The following NKAIN2 variants were observed in gnomAD, a reference collection of about 807,000 sequenced individuals.
NKAIN2 encodes the protein sodium/potassium transporting ATPase interacting 2, also known as sodium/potassium-transporting ATPase subunit beta-1-interacting protein 2.
NKAIN2 carries 14 observed loss-of-function variants against 32.6 expected under a neutral mutation model. The observed-to-expected ratio is 0.43, with a 90% CI of 0.28 to 0.67. NKAIN2 has a LOEUF of 0.67. NKAIN2 is among the 30% of genes least tolerant of loss of function. NKAIN2 has a pLI of 0.17. For synonymous variants in NKAIN2, 80 were observed against 87.2 expected (o/e 0.92, Z 0.46); for missense variants, 198 against 258.3 (o/e 0.77, Z 1.60).
chr6:124,655,237 C>G (rs765207605), intron 3 of NKAIN2, among the ~76,000 whole-genome samples: 11 of 151,986 alleles, frequency 7.2e-5, no homozygotes, highest in Admixed American at 3.3e-4. Context: ...TAGCTGTGTT[C>G]CCATTGTGTC....
chr6:124,364,562 CT>C (rs1238742683), intron 3 of NKAIN2, among the ~76,000 whole-genome samples: 1 of 151,878 alleles, frequency 6.6e-6, no homozygotes, highest in Admixed American at 6.6e-5. Flanking sequence ...GACAGTTGAC[CT>C]TTCAACAGGA....
intron 2 of NKAIN2, among the ~76,000 whole-genome samples, chr6:124,352,238 T>A (rs1179223554): frequency 3.9e-5 from 6 of 152,214 alleles, no homozygotes; most frequent in Admixed American, 3.9e-4. Context: ...TTCATAAAAT[T>A]ATTAATTTTG....
At chr6:124,266,647 A>T (rs1459460014) in intron 1 of NKAIN2, among the ~76,000 whole-genome samples, 1 of 152,206 alleles carries the variant, frequency 6.6e-6, no homozygotes, top group East Asian at 1.9e-4. Flanking sequence ...AACGTAGCTG[A>T]TTTGAAACAG....
At chr6:124,274,619 T>A (rs2114890482) in intron 1 of NKAIN2, among the ~76,000 whole-genome samples, 1 of 152,230 alleles carries the variant, frequency 6.6e-6, no homozygotes, top group South Asian at 2.1e-4. Flanking sequence ...ATCAATGTGA[T>A]TCCCTCATCT....
At chr6:123,898,895 C>G (rs531072229) in intron 1 of NKAIN2, among the ~76,000 whole-genome samples, 1 of 152,318 alleles carries the variant, frequency 6.6e-6, no homozygotes, top group Admixed American at 6.5e-5. Context: ...CTGTTAGCCT[C>G]TCTGCCTCTG....
intron 1 of NKAIN2, among the ~76,000 whole-genome samples, chr6:123,810,205 G>T (rs1345047155): frequency 6.6e-6 from 1 of 152,086 alleles, no homozygotes; most frequent in Non-Finnish European, 1.5e-5. Flanking sequence ...CTCTTAGTAA[G>T]TGGAGAAGCT....
chr6:124,572,632 T>TAA (rs144993435), intron 3 of NKAIN2, among the ~76,000 whole-genome samples: 2,602 of 151,594 alleles, frequency 0.017, 68 homozygotes, highest in African/African-American at 0.059. Context: ...AAGATATCTA[T>TAA]AAAGTCTTAC....
chr6:124,010,667 A>G (rs769534046), intron 1 of NKAIN2, among the ~76,000 whole-genome samples: 128 of 151,938 alleles, frequency 8.4e-4, no homozygotes, highest in Non-Finnish European at 1.7e-3. Context: ...AGTAGTTTGT[A>G]TGCAGTGTGG....
At chr6:124,139,896 CA>C (rs1787049720) in intron 1 of NKAIN2, among the ~76,000 whole-genome samples, 1 of 152,122 alleles carries the variant, frequency 6.6e-6, no homozygotes, top group East Asian at 1.9e-4. Flanking sequence ...AAAAATCTTA[CA>C]ACCAAAAAAT....
At chr6:124,671,755 T>C (rs1000310098) in intron 4 of NKAIN2, among the ~76,000 whole-genome samples, 7 of 152,080 alleles carry the variant, frequency 4.6e-5, no homozygotes, top group African/African-American at 1.7e-4. Context: ...ACTTGGTTTT[T>C]TCTTGGATTT....
At chr6:124,074,421 C>T (rs985607708) in intron 1 of NKAIN2, among the ~76,000 whole-genome samples, 2 of 152,172 alleles carry the variant, frequency 1.3e-5, no homozygotes, top group Admixed American at 6.5e-5. Context: ...CTCAGATAAA[C>T]ACCAAAGGCC....
intron 3 of NKAIN2, among the ~76,000 whole-genome samples, chr6:124,454,290 C>A (rs1356758375): frequency 6.6e-6 from 1 of 151,842 alleles, no homozygotes; most frequent in African/African-American, 2.4e-5. Context: ...TCCAGTCCCA[C>A]CATTTAATTT....
At chr6:124,668,805 G>C (rs574042472) in intron 4 of NKAIN2, among the ~76,000 whole-genome samples, 2 of 152,242 alleles carry the variant, frequency 1.3e-5, no homozygotes, top group East Asian at 1.9e-4. Flanking sequence ...TTAAAAATTA[G>C]AGGCAGGTTG....
intron 3 of NKAIN2, among the ~76,000 whole-genome samples, chr6:124,499,504 A>G (rs1778200389): frequency 6.6e-6 from 1 of 152,180 alleles, no homozygotes; most frequent in South Asian, 2.1e-4. Flanking sequence ...TAAAGACCAT[A>G]TTATCTTTGG....
chr6:124,511,712 A>G (rs1290134707), intron 3 of NKAIN2, among the ~76,000 whole-genome samples: 4 of 152,152 alleles, frequency 2.6e-5, no homozygotes, highest in Non-Finnish European at 5.9e-5. Context: ...TGTGGATTTC[A>G]GGCATTCATG....
intron 1 of NKAIN2, among the ~76,000 whole-genome samples, chr6:124,046,938 T>A (rs1180460664): frequency 1.3e-5 from 2 of 152,042 alleles, no homozygotes; most frequent in Non-Finnish European, 2.9e-5. Flanking sequence ...ACAATTTGAC[T>A]GAGGACTTGA....
intron 1 of NKAIN2, among the ~76,000 whole-genome samples, chr6:123,864,479 C>T (rs1165694272): frequency 6.6e-6 from 1 of 152,170 alleles, no homozygotes; most frequent in African/African-American, 2.4e-5. Flanking sequence ...ATGAAGCTAA[C>T]ATCCTTGTGT....
At chr6:124,089,594 A>G (rs1784335922) in intron 1 of NKAIN2, among the ~76,000 whole-genome samples, 1 of 151,796 alleles carries the variant, frequency 6.6e-6, no homozygotes. Context: ...TTCCTTCTCT[A>G]TACAACCAAA....
At chr6:123,916,815 A>G (rs941357490) in intron 1 of NKAIN2, among the ~76,000 whole-genome samples, 1 of 116,160 alleles carries the variant, frequency 8.6e-6, no homozygotes, top group African/African-American at 3.6e-5. Flanking sequence ...GTATCTATGT[A>G]TCTATCTATC....
Sources: allele counts gnomAD v4.1 joint callset (sites outside exome capture counted in the v4.1 genomes callset), GRCh38; gene constraint gnomAD v4.1.1; transcripts MANE v1.5; gene names NCBI Gene and HGNC (gene_info 2026-07-23, HGNC 2026-07-21).